The following EBF1 variants were observed in gnomAD, a reference collection of about 807,000 sequenced individuals.
The protein encoded by EBF1 is EBF transcription factor 1.
A neutral mutation model predicts 68.4 loss-of-function variants in EBF1; 10 were observed. That is an observed-to-expected ratio of 0.15 (90% CI 0.09 to 0.25). The LOEUF (loss-of-function observed/expected upper bound fraction) is 0.25, where lower values mean the gene tolerates loss of function less well. EBF1 is among the 10% of genes least tolerant of loss of function. The probability of loss-of-function intolerance (pLI) is 1.00; values close to 1 mark genes in which losing one functional copy is unlikely to be tolerated. For missense variants in EBF1, 509 were observed against 794.4 expected, an observed-to-expected ratio of 0.64 and a Z score of 4.32; for synonymous variants, 298 against 299.8, an observed-to-expected ratio of 0.99 and a Z score of 0.06.
chr5:158,793,704 A>T (rs1002615534), intron 9 of EBF1, among the ~76,000 whole-genome samples: 1 of 152,226 alleles, frequency 6.6e-6, no homozygotes, highest in African/African-American at 2.4e-5. Flanking sequence ...AGTATTGCAT[A>T]CAAGCCTATT....
chr5:158,737,985 CCTTA>C (rs1280089006), intron 10 of EBF1, among the ~76,000 whole-genome samples: 2 of 152,038 alleles, frequency 1.3e-5, no homozygotes, highest in African/African-American at 4.8e-5. Context: ...AATGAAATCA[CCTTA>C]CTGTTTTTCT....
At chr5:158,780,641 G>A (rs1221890382) in intron 9 of EBF1, among the ~76,000 whole-genome samples, 3 of 152,134 alleles carry the variant, frequency 2.0e-5, no homozygotes, top group Non-Finnish European at 2.9e-5. Flanking sequence ...GCTAGATATT[G>A]TTGACAACCT....
chr5:159,040,572 G>T (rs1181629915), intron 6 of EBF1, among the ~76,000 whole-genome samples: 2 of 152,194 alleles, frequency 1.3e-5, no homozygotes, highest in African/African-American at 4.8e-5. Context: ...AACAGGGAAA[G>T]CATCCTTGGA....
chr5:159,003,811 G>A (rs1209546302), intron 6 of EBF1, among the ~76,000 whole-genome samples: 1 of 152,186 alleles, frequency 6.6e-6, no homozygotes, highest in Non-Finnish European at 1.5e-5. Context: ...CTAAAGATGA[G>A]GAAGATGGAG....
intron 9 of EBF1, among the ~76,000 whole-genome samples, chr5:158,791,184 T>C (rs1410944307): frequency 6.6e-6 from 1 of 152,034 alleles, no homozygotes; most frequent in Non-Finnish European, 1.5e-5. Context: ...CTGGGTGTGG[T>C]GGCACGCACC....
chr5:158,892,689 A>T (rs1206354562), intron 6 of EBF1, among the ~76,000 whole-genome samples: 1 of 152,206 alleles, frequency 6.6e-6, no homozygotes, highest in Non-Finnish European at 1.5e-5. Flanking sequence ...GAACTTAGAC[A>T]TGGGTACAAT....
chr5:158,854,834 C>T (rs755001131), intron 6 of EBF1, among the ~76,000 whole-genome samples: 7 of 152,164 alleles, frequency 4.6e-5, no homozygotes, highest in African/African-American at 1.4e-4. Flanking sequence ...GCATGGGAAT[C>T]ACTCCCATTT....
chr5:159,082,395 C>G (rs1779901443), intron 5 of EBF1, among the ~76,000 whole-genome samples: 1 of 152,192 alleles, frequency 6.6e-6, no homozygotes, highest in Non-Finnish European at 1.5e-5. Flanking sequence ...GAAATTTCAT[C>G]TTGGGGAGAG....
chr5:158,828,467 A>AG (rs1786711341), intron 7 of EBF1, among the ~76,000 whole-genome samples: 2 of 152,212 alleles, frequency 1.3e-5, no homozygotes, highest in Non-Finnish European at 2.9e-5. Flanking sequence ...GGACAAGATG[A>AG]GGGATCCTTG....
At chr5:159,091,906 C>T (rs1212175263) in intron 4 of EBF1, among the ~76,000 whole-genome samples, 2 of 152,160 alleles carry the variant, frequency 1.3e-5, no homozygotes, top group Non-Finnish European at 2.9e-5. Flanking sequence ...GCTTCTCAAG[C>T]AGGCTTTTGT....
chr5:159,004,511 C>G (rs1157272328), intron 6 of EBF1, among the ~76,000 whole-genome samples: 1 of 148,910 alleles, frequency 6.7e-6, no homozygotes, highest in Non-Finnish European at 1.5e-5. Context: ...TATAAAGTAG[C>G]AAACCAAAAA....
chr5:158,723,565 G>C (rs796491319), intron 11 of EBF1, among the ~76,000 whole-genome samples: 1 of 152,058 alleles, frequency 6.6e-6, no homozygotes, highest in African/African-American at 2.4e-5. Context: ...CAGTCAATGT[G>C]TATTGCGTGC....
intron 6 of EBF1, among the ~76,000 whole-genome samples, chr5:159,043,021 A>T (rs557205075): frequency 3.7e-4 from 56 of 152,348 alleles, no homozygotes; most frequent in African/African-American, 1.3e-3. Context: ...AAATAATAAT[A>T]GTAGCTGATA....
chr5:158,814,113 A>C lies in EBF1; in HGVS notation c.778+9063T>G, dbSNP rs184089081. Among the ~76,000 whole-genome samples the C allele has an allele frequency of 2.6e-5, 4 of 152,350 alleles. No homozygotes were observed. In the East Asian group the frequency reaches 7.7e-4, roughly 29 times the overall value. ...GTAATGCCAGCACTTTGGGAGACCA[A>C]GGGGATGTAATTGCTTAAGCCCGGG... On this transcript the variant is annotated intron_variant, in intron 8 of 15. Coordinates refer to ENST00000313708, the MANE Select transcript of EBF1 (RefSeq NM_024007.5).
chr5:158,705,519 GTC>G (rs1581167228), intron 15 of EBF1, among the ~76,000 whole-genome samples: 1 of 152,244 alleles, frequency 6.6e-6, no homozygotes, highest in Admixed American at 6.5e-5. Flanking sequence ...AATGGGGACA[GTC>G]TCTGTACTTT....
intron 6 of EBF1, among the ~76,000 whole-genome samples, chr5:158,969,920 A>AAG (rs1554094010): frequency 2.9e-5 from 2 of 68,630 alleles, no homozygotes; most frequent in African/African-American, 9.8e-5. Flanking sequence ...AAGAAAGAAA[A>AAG]AAAAAAAAAA....
chr5:158,968,878 C>T (rs1754724889), intron 6 of EBF1, among the ~76,000 whole-genome samples: 1 of 152,150 alleles, frequency 6.6e-6, no homozygotes, highest in African/African-American at 2.4e-5. Flanking sequence ...TGTGAAATGA[C>T]ATCTGAAGTC....
At chr5:158,816,792 T>C (rs1582160080) in intron 8 of EBF1, among the ~76,000 whole-genome samples, 1 of 151,818 alleles carries the variant, frequency 6.6e-6, no homozygotes, top group African/African-American at 2.4e-5. Flanking sequence ...CGAAGCCATC[T>C]GAAAAAAAAA....
At chr5:158,756,562 T>C (rs1397670790) in intron 10 of EBF1, among the ~76,000 whole-genome samples, 1 of 152,066 alleles carries the variant, frequency 6.6e-6, no homozygotes, top group Non-Finnish European at 1.5e-5. Flanking sequence ...TTGAATTCCT[T>C]TTTTATTCCT....
Sources: gnomAD v4.1 joint callset for allele counts (sites outside exome capture counted in the v4.1 genomes callset) on GRCh38, gnomAD v4.1.1 for gene constraint, MANE v1.5 for transcripts, NCBI Gene and HGNC (gene_info 2026-07-23, HGNC 2026-07-21) for gene names.